EPHB2: variants seen among roughly 807,000 people sequenced by gnomAD.
EPHB2 encodes ephrin type-B receptor 2.
Under a neutral mutation model 96.4 loss-of-function variants are expected in EPHB2, and 18 were observed. The observed-to-expected ratio is 0.19, with a 90% CI of 0.13 to 0.28. The LOEUF (loss-of-function observed/expected upper bound fraction) is 0.28, where lower values mean the gene tolerates loss of function less well. EPHB2 is among the 10% of genes least tolerant of loss of function. The pLI, the probability that EPHB2 is intolerant of heterozygous loss-of-function variation, is 1.00. For missense variants in EPHB2, 989 were observed against 1,355.4 expected, an observed-to-expected ratio of 0.73 and a Z score of 4.25; for synonymous variants, 506 against 534.1, an observed-to-expected ratio of 0.95 and a Z score of 0.72.
rs950557216 is a variant in EPHB2 at position 22,921,226 on chromosome 1, G to A, written c.*7656G>A. 2.6e-5 allele frequency: 4 copies of A among 152,196 alleles called. No homozygotes were observed. The highest frequency in any genetic ancestry group is 6.5e-5 in the Admixed American group (1 of 15,276). The allele number at this position is 152,196 out of a possible 1,614,324, so 9.4% of individuals were successfully genotyped here. On this transcript the variant is annotated 3_prime_UTR_variant, in exon 16 of 16. Transcript: ENST00000374630. The stretch of plus-strand genomic sequence containing the variant: ...TATGCAGACCGGAGCTCTCAACCAG[G>A]GTATGGGGCTGTCTGGCAGGGTTTC...
intron 1 of EPHB2, among the ~76,000 whole-genome samples, chr1:22,741,305 C>T (rs561972096): frequency 7.9e-5 from 12 of 152,200 alleles, no homozygotes; most frequent in Non-Finnish European, 1.5e-4. Flanking sequence ...AGTCTGTCCC[C>T]TCTACTTTAT....
intron 3 of EPHB2, among the ~76,000 whole-genome samples, chr1:22,834,229 A>G (rs1645347526): frequency 6.6e-6 from 1 of 152,148 alleles, no homozygotes; most frequent in Admixed American, 6.5e-5. Context: ...TTTCCCCCTC[A>G]GATTTACCAC....
At chr1:22,912,974 C>G (rs969831253) in intron 15 of EPHB2, 30 of 361,262 alleles carry the variant, frequency 8.3e-5, no homozygotes, top group Non-Finnish European at 1.6e-5. Context: ...GCGGGCAGAT[C>G]ACAAGGTCAG....
intron 1 of EPHB2, among the ~76,000 whole-genome samples, chr1:22,754,852 ACAGGTGAGGTGAGGCAAG>A (rs1644120494): frequency 9.7e-5 from 1 of 10,258 alleles, no homozygotes; most frequent in Admixed American, 1.4e-3. Flanking sequence ...GAGGTGAGGG[ACAGGTGAGGTGAGGCAAG>A]GGGCAGGTGA....
chr1:22,853,938 A>T (rs922966706), intron 3 of EPHB2, among the ~76,000 whole-genome samples: 2 of 152,180 alleles, frequency 1.3e-5, no homozygotes, highest in African/African-American at 4.8e-5. Flanking sequence ...TCATGCAGCT[A>T]CCCACCTCAG....
chr1:22,896,665 G>A (rs1192775378), intron 9 of EPHB2, among the ~76,000 whole-genome samples, 187 bp downstream of exon 9: 1 of 152,102 alleles, frequency 6.6e-6, no homozygotes, highest in Non-Finnish European at 1.5e-5. Context: ...TGCCTCAAGC[G>A]CTCTCCCCCT....
Position 22,898,452 on chromosome 1 carries a change from G to A in EPHB2, c.1765+1974G>A, listed in dbSNP as rs148580725. Among the ~76,000 whole-genome samples the A allele has an allele frequency of 3.0e-3, 457 of 152,246 alleles. 5 individuals are homozygous for A. The highest frequency in any genetic ancestry group is 0.01 in the African/African-American group (417 of 41,540). On this transcript the variant is annotated intron_variant, in intron 9 of 15. Coordinates refer to ENST00000374630, the MANE Select transcript of EPHB2 (RefSeq NM_017449.5). ...AGGCTGGAGCTTCCTGGCAGGTTTC[G>A]GGAACAGCAGAGGCCAGTGTGACTG...
In EPHB2 at chr1:22,916,036, T is replaced by C. The variant is rs941588085; in HGVS notation, c.*2466T>C. 1 of 152,264 alleles carries C rather than the reference T, an allele frequency of 6.6e-6. No homozygotes were observed. The highest frequency in any genetic ancestry group is 6.5e-5 in the Admixed American group (1 of 15,278). The allele number at this position is 152,264 out of a possible 1,614,324, so 9.4% of individuals were successfully genotyped here. A position where few individuals can be genotyped will look rare whatever the true frequency, so the allele number is the denominator to read the frequency against. On this transcript the variant is annotated 3_prime_UTR_variant, in exon 16 of 16. Transcript: ENST00000374630. The surrounding 1 kb of genome is among the most constrained non-coding windows in gnomAD (Gnocchi z 4.2). ...ATTAGAGAGAAGTGTGGGCCCCCCA[T>C]GGGGACAGCAGGGCAAGCCACAGGG...
chr1:22,715,696 C>T (rs1643275275), intron 1 of EPHB2, among the ~76,000 whole-genome samples: 1 of 152,192 alleles, frequency 6.6e-6, no homozygotes, highest in Admixed American at 6.5e-5. Context: ...TTTAAAGAGT[C>T]ACCAGGCACC....
Position 22,875,390 on chromosome 1 carries a change from A to G in EPHB2, c.1304-6969A>G, listed in dbSNP as rs546279567. 6.6e-5 allele frequency among the ~76,000 whole-genome samples: 10 copies of G among 152,312 alleles called. No homozygotes were observed. In the South Asian group the frequency reaches 2.1e-3, roughly 32 times the overall value. On this transcript the variant is annotated intron_variant, in intron 5 of 15. Transcript: ENST00000374630. This position sits in a 1 kb window ranked among gnomAD's most constrained non-coding sequence, Gnocchi z 4.2. The stretch of plus-strand genomic sequence containing the variant: ...GACAAGCAATTGTCATGGAACTGTT[A>G]GCTAGCTGGTGGCAAGAGGCCCCAC...
chr1:22,781,859 C>G (rs963447316), intron 2 of EPHB2, among the ~76,000 whole-genome samples: 1 of 152,108 alleles, frequency 6.6e-6, no homozygotes, highest in Non-Finnish European at 1.5e-5. Context: ...ATCTCTGATC[C>G]CATGGAGAGG....
intron 1 of EPHB2, among the ~76,000 whole-genome samples, chr1:22,759,039 G>A (rs1255813878): frequency 1.3e-5 from 2 of 152,038 alleles, no homozygotes; most frequent in African/African-American, 4.8e-5. Context: ...ATGGATGGAT[G>A]GTTGGTTACC....
chr1:22,892,976 G>C lies in EPHB2; in HGVS notation c.1521G>C (p.Gln507His), dbSNP rs765600046. 1 of 1,614,112 alleles carries C rather than the reference G, an allele frequency of 6.2e-7. No individual in the cohort carries two copies. Among genetic ancestry groups the C allele is most frequent in the Non-Finnish European group, 8.5e-7 (1 of 1,180,024 alleles). Reference protein sequence around the residue: ...GLKAGAIYVFQVRARTVAGYG... With the variant: ...GLKAGAIYVFHVRARTVAGYG... ...AAGCCGGCGCCATCTATGTCTTCCA[G>C]GTGCGGGCACGCACCGTGGCAGGTT... The change falls in exon 7 of 16, where the codon CAG becomes CAC. Residue 507 changes from glutamine to histidine, a missense_variant. By Grantham distance (24) the Gln-to-His change is conservative (BLOSUM62 0). Coordinates refer to ENST00000374630, the MANE Select transcript of EPHB2 (RefSeq NM_017449.5).
intron 3 of EPHB2, among the ~76,000 whole-genome samples, chr1:22,848,502 T>G (rs981053492): frequency 6.6e-6 from 1 of 152,172 alleles, no homozygotes; most frequent in Non-Finnish European, 1.5e-5. Context: ...TACAATCACA[T>G]TGGCTTTTTC....
At chr1:22,909,911 C>T (rs898461563) in intron 13 of EPHB2, among the ~76,000 whole-genome samples, 2 of 152,096 alleles carry the variant, frequency 1.3e-5, no homozygotes, top group African/African-American at 4.8e-5. Context: ...GGAGCCCCAG[C>T]CAGGCTTGAG....
chr1:22,885,235 CTAAT>C (rs558874965), intron 6 of EPHB2, among the ~76,000 whole-genome samples: 171 of 147,972 alleles, frequency 1.2e-3, no homozygotes, highest in Middle Eastern at 6.9e-3. Context: ...AAAAAAAAAA[CTAAT>C]TAAGAAGCTT....
chr1:22,777,136 A>G (rs1240433736), intron 1 of EPHB2, among the ~76,000 whole-genome samples: 2 of 152,218 alleles, frequency 1.3e-5, no homozygotes, highest in Non-Finnish European at 2.9e-5. Context: ...GGCCAAGAAG[A>G]TGTAGAGGTG....
chr1:22,900,266 C>G (rs1639708592), intron 9 of EPHB2, among the ~76,000 whole-genome samples: 1 of 152,098 alleles, frequency 6.6e-6, no homozygotes, highest in Non-Finnish European at 1.5e-5. Context: ...TGCACTCCAG[C>G]CTGGGGAACA....
intron 1 of EPHB2, among the ~76,000 whole-genome samples, chr1:22,734,148 AG>A (rs992644855): frequency 9.2e-5 from 14 of 152,234 alleles, no homozygotes; most frequent in African/African-American, 3.4e-4. Context: ...CCTCACTGTG[AG>A]GGGGCTTTGG....
Sources: gnomAD v4.1 joint callset for allele counts (sites outside exome capture counted in the v4.1 genomes callset) on GRCh38, gnomAD v4.1.1 for gene constraint, Gnocchi (gnomAD v3.1) non-coding constraint, MANE v1.5 for transcripts, NCBI Gene and HGNC (gene_info 2026-07-23, HGNC 2026-07-21) for gene names.